ANKRD44: variants seen among roughly 807,000 people sequenced by gnomAD.
ANKRD44 encodes serine/threonine-protein phosphatase 6 regulatory ankyrin repeat subunit B.
A neutral mutation model predicts 116.0 loss-of-function variants in ANKRD44; 35 were observed. The ratio of observed to expected loss-of-function variants is 0.30; its 90% CI spans 0.23 to 0.40. The LOEUF is 0.40. ANKRD44 is among the 10% of genes least tolerant of loss of function. ANKRD44 has a pLI of 1.00. For missense variants in ANKRD44, 1,014 were observed against 1,242.6 expected, an observed-to-expected ratio of 0.82 and a Z score of 2.77; for synonymous variants, 435 against 461.8, an observed-to-expected ratio of 0.94 and a Z score of 0.74.
Position 197,136,654 on chromosome 2 carries a change from C to T in ANKRD44, c.199G>A (p.Val67Ile). Residue 67 changes from valine to isoleucine, a missense_variant, in exon 4 of 28, where the codon GTA becomes ATA. Val to Ile is a conservative substitution (Grantham distance 29, BLOSUM62 3). Transcript: ENST00000282272. Reference sequence around the variant, plus strand: ...AGCCACATGTTGTCCTTGGCATTTACACGAGCTCCTGGAATCAAACAGCAC... The same window carrying T: ...AGCCACATGTTGTCCTTGGCATTTATACGAGCTCCTGGAATCAAACAGCAC... ...IELLILSGAR[V>I]NAKDNMWLTP... 1 of 1,614,178 alleles carries T rather than the reference C, an allele frequency of 6.2e-7. No individual in the cohort carries two copies. The highest frequency in any genetic ancestry group is 8.5e-7 in the Non-Finnish European group (1 of 1,180,010).
chr2:197,167,765 T>C (rs1273243802), intron 2 of ANKRD44, among the ~76,000 whole-genome samples: 1 of 152,202 alleles, frequency 6.6e-6, no homozygotes, highest in Admixed American at 6.5e-5. Flanking sequence ...AAAATACTTG[T>C]TAACTGCATG....
chr2:196,991,849 C>A (rs985279536), intron 27 of ANKRD44, among the ~76,000 whole-genome samples: 7 of 152,058 alleles, frequency 4.6e-5, no homozygotes, highest in African/African-American at 1.7e-4. Context: ...ACCTTGGCTT[C>A]CCAAAGTCCT....
At chr2:197,257,660 C>T (rs915185058) in intron 1 of ANKRD44, among the ~76,000 whole-genome samples, 10 of 152,160 alleles carry the variant, frequency 6.6e-5, no homozygotes, top group Admixed American at 3.3e-4. Context: ...GTACTTATTT[C>T]ACATTGCATG....
At chr2:197,094,702 G>A (rs1395557741) in intron 10 of ANKRD44, among the ~76,000 whole-genome samples, 1 of 152,128 alleles carries the variant, frequency 6.6e-6, no homozygotes, top group African/African-American at 2.4e-5. Context: ...TTTAGAATAG[G>A]ATGATTTTAT....
intron 17 of ANKRD44, 114 bp from the exon 18 acceptor site, chr2:197,013,826 A>T (rs548939976): frequency 7.0e-6 from 7 of 1,001,768 alleles, no homozygotes; most frequent in Non-Finnish European, 1.1e-5. Flanking sequence ...TCCCAAGAGC[A>T]CGTCAGAAAA....
intron 3 of ANKRD44, among the ~76,000 whole-genome samples, chr2:197,139,272 A>G (rs756237700): frequency 3.9e-5 from 6 of 152,216 alleles, no homozygotes; most frequent in Admixed American, 3.9e-4. Flanking sequence ...AATGTCAATC[A>G]AGAGGAAAAT....
intron 8 of ANKRD44, among the ~76,000 whole-genome samples, chr2:197,115,476 C>G (rs1262588237): frequency 1.3e-5 from 2 of 152,120 alleles, no homozygotes; most frequent in African/African-American, 2.4e-5. Flanking sequence ...AGTCAAAAAA[C>G]AGGACCAGAG....
At chr2:196,968,602 C>A (rs1467412838) in intron 21 of ANKRD44, among the ~76,000 whole-genome samples, 1 of 152,110 alleles carries the variant, frequency 6.6e-6, no homozygotes, top group Non-Finnish European at 1.5e-5. Flanking sequence ...GCTAAACATG[C>A]CCCAGTAGAA....
At chr2:197,238,247 C>T (rs928566915) in intron 1 of ANKRD44, among the ~76,000 whole-genome samples, 2 of 152,164 alleles carry the variant, frequency 1.3e-5, no homozygotes, top group Admixed American at 1.3e-4. Flanking sequence ...CAGAGCCTAA[C>T]ACAATGGCTG....
chr2:197,099,375 G>T, intron 10 of ANKRD44: 1 of 327,694 alleles, frequency 3.1e-6, no homozygotes. Context: ...TGGAATTGAA[G>T]TTCAAAATGA....
intron 1 of ANKRD44, among the ~76,000 whole-genome samples, chr2:197,292,262 A>G (rs974768217): frequency 2.6e-5 from 4 of 152,180 alleles, no homozygotes; most frequent in Non-Finnish European, 5.9e-5. Flanking sequence ...TGTCTTCCAC[A>G]ATGGTTGAAC....
At chr2:197,233,900 T>A (rs2081922127) in intron 1 of ANKRD44, among the ~76,000 whole-genome samples, 1 of 152,246 alleles carries the variant, frequency 6.6e-6, no homozygotes, top group African/African-American at 2.4e-5. Context: ...TCTATAGGCA[T>A]AAGGTTTCAG....
chr2:197,235,285 G>A (rs2081953431), intron 1 of ANKRD44, among the ~76,000 whole-genome samples: 2 of 152,166 alleles, frequency 1.3e-5, no homozygotes, highest in South Asian at 4.1e-4. Flanking sequence ...TCAAACATTT[G>A]TTGATTATCT....
downstream of ANKRD44, among the ~76,000 whole-genome samples, chr2:196,983,708 T>C (rs1410298907): frequency 6.6e-6 from 1 of 152,246 alleles, no homozygotes; most frequent in African/African-American, 2.4e-5. Context: ...CAGTACTTCA[T>C]TAAATTGACA....
At chr2:197,118,808 G>A (rs573326409) in intron 8 of ANKRD44, among the ~76,000 whole-genome samples, 29 of 152,220 alleles carry the variant, frequency 1.9e-4, no homozygotes, top group African/African-American at 6.7e-4. Context: ...TTAAAAAAGA[G>A]ATCATATTTC....
chr2:197,278,791 G>C (rs184941055), intron 1 of ANKRD44, among the ~76,000 whole-genome samples: 1 of 152,314 alleles, frequency 6.6e-6, no homozygotes, highest in African/African-American at 2.4e-5. Flanking sequence ...GCGACACGTA[G>C]GTCGCCAGCA....
chr2:197,282,601 GATTTT>G (rs974209224), intron 1 of ANKRD44, among the ~76,000 whole-genome samples: 3 of 152,060 alleles, frequency 2.0e-5, no homozygotes, highest in South Asian at 2.1e-4. Context: ...TGAAGTTGGG[GATTTT>G]ATTTTATTTT....
intron 16 of ANKRD44, chr2:197,029,571 C>G: frequency 4.3e-6 from 2 of 470,376 alleles, no homozygotes; most frequent in South Asian, 1.5e-5. Flanking sequence ...CCACCAAGAG[C>G]AAGTTTCAAA....
At chr2:197,180,020 C>T (rs1396333629) in intron 2 of ANKRD44, among the ~76,000 whole-genome samples, 3 of 152,144 alleles carry the variant, frequency 2.0e-5, no homozygotes, top group African/African-American at 7.2e-5. Context: ...ACAAAAAGCA[C>T]CATTCTCAGA....
Sources: gnomAD v4.1 joint callset for allele counts (sites outside exome capture counted in the v4.1 genomes callset) on GRCh38, gnomAD v4.1.1 for gene constraint, MANE v1.5 for transcripts, NCBI Gene and HGNC (gene_info 2026-07-23, HGNC 2026-07-21) for gene names.